Variants in DHX8 observed in about 807,000 individuals in gnomAD.
DHX8 encodes the protein DEAH-box helicase 8.
A neutral mutation model predicts 140.7 loss-of-function variants in DHX8; 67 were observed. That is an observed-to-expected ratio of 0.48 (90% CI 0.39 to 0.58). The LOEUF is 0.58. Ranked by LOEUF, DHX8 falls within the 20% of genes least tolerant of loss-of-function variation. DHX8 has a pLI of 0.00. For synonymous variants in DHX8, 533 were observed against 553.2 expected (o/e 0.96, Z 0.51); for missense variants, 887 against 1,550.7 (o/e 0.57, Z 7.19).
rs913514727 is a variant in DHX8, at chr17:43,497,216, C to CT, written c.1300+957dup. On this transcript the variant is annotated intron_variant, in intron 9 of 22. Transcript: ENST00000262415. ...CTATTTTTGAACTTAACTCATTTTT[C>CT]TTTTTTTTTGACTTACATATTTTTG... Among the ~76,000 whole-genome samples, 24 of 150,466 alleles carry CT rather than the reference C, an allele frequency of 1.6e-4. No homozygotes were observed. The South Asian group carries it at 2.3e-3, about 15-fold the overall frequency.
downstream of DHX8, among the ~76,000 whole-genome samples, chr17:43,531,004 T>G (rs1413246413): frequency 1.3e-5 from 2 of 152,082 alleles, no homozygotes; most frequent in South Asian, 4.1e-4. Flanking sequence ...TCCCCTCCGG[T>G]CTACAGCCTT....
chr17:43,537,987 G>T (rs141228619), intron 3 of DHX8, among the ~76,000 whole-genome samples: 2 of 151,994 alleles, frequency 1.3e-5, no homozygotes, highest in Non-Finnish European at 2.9e-5. Flanking sequence ...AAAATTAGCC[G>T]GGTGTGGTGG....
At position 43,513,521 on chromosome 17, in the gene DHX8, A is replaced by G. The variant is rs1005820634; in HGVS notation, c.2643+19A>G. On this transcript the variant is annotated intron_variant, in intron 17 of 22. Coordinates refer to ENST00000262415, the MANE Select transcript of DHX8 (RefSeq NM_004941.3). ...TTCTCAGGTATGACGGCTTGTATCA[A>G]CAGTTTTCCTGATAATCCTGATTAG... The G allele has an allele frequency of 1.9e-6, 3 of 1,611,196 alleles. No individual in the cohort carries two copies. Among genetic ancestry groups the G allele is most frequent in the South Asian group, 1.1e-5 (1 of 90,604 alleles).
chr17:43,493,459 G>T lies in DHX8; in HGVS notation c.878G>T (p.Gly293Val), dbSNP rs750785920. 1 of 1,614,152 alleles carries T rather than the reference G, an allele frequency of 6.2e-7. No individual in the cohort carries two copies. The highest frequency in any genetic ancestry group is 8.5e-7 in the Non-Finnish European group (1 of 1,180,032). Residue 293 changes from glycine to valine, a missense_variant, in exon 7 of 23, where the codon GGC becomes GTC. Coordinates refer to ENST00000262415, the MANE Select transcript of DHX8 (RefSeq NM_004941.3). ...QLEGLRKRWE[G>V]LVHISELRRE... ...CTCTCCCTCAGGAAGCGGTGGGAAG[G>T]CCTGGTGCACATCTCTGAGCTCCGG...
In DHX8 at chr17:43,512,483, A is replaced by AG. The variant is rs1201221463; in HGVS notation, c.2503-876dup. On this transcript the variant is annotated intron_variant, in intron 16 of 22. Coordinates refer to ENST00000262415, the MANE Select transcript of DHX8 (RefSeq NM_004941.3). ...CTAGCAGGTAAAGGGAAGAAGGGTG[A>AG]GGGAAGTCAGGCATGACTGTCAGGT... is the stretch of plus-strand genomic sequence containing the variant. Among the ~76,000 whole-genome samples, 4 of 152,010 alleles carry AG rather than the reference A, an allele frequency of 2.6e-5. No individual in the cohort carries two copies. In the East Asian group the frequency reaches 7.7e-4, roughly 29 times the overall value.
At chr17:43,484,907 T>C (rs1161059446) in intron 1 of DHX8, among the ~76,000 whole-genome samples, 8 of 152,152 alleles carry the variant, frequency 5.3e-5, no homozygotes, top group Admixed American at 2.6e-4. Flanking sequence ...CCTCCCAAAG[T>C]GTTGGGATTA....
At chr17:43,532,029 A>C (rs535179093) in intron 2 of DHX8, among the ~76,000 whole-genome samples, 4 of 152,256 alleles carry the variant, frequency 2.6e-5, no homozygotes, top group African/African-American at 9.6e-5. Flanking sequence ...TTTTAATTTT[A>C]CTTTTTTATA....
At chr17:43,486,561 C>G (rs1046342800) in intron 1 of DHX8, among the ~76,000 whole-genome samples, 5 of 151,956 alleles carry the variant, frequency 3.3e-5, no homozygotes, top group African/African-American at 1.2e-4. Flanking sequence ...TAACAATTCC[C>G]CTGTATAATT....
intron 3 of DHX8, among the ~76,000 whole-genome samples, chr17:43,542,386 T>C (rs747422510): frequency 3.3e-5 from 5 of 151,954 alleles, no homozygotes; most frequent in Non-Finnish European, 7.4e-5. Flanking sequence ...TACTACCAAA[T>C]AGACAACAAA....
chr17:43,495,568 G>A (rs1468950424), intron 8 of DHX8, among the ~76,000 whole-genome samples: 1 of 152,128 alleles, frequency 6.6e-6, no homozygotes, highest in Non-Finnish European at 1.5e-5. Context: ...ATGAGCTGCC[G>A]TGTCTGGCCT....
At chr17:43,493,086 T>C (rs1178100110) in intron 6 of DHX8, 46 bp downstream of exon 6, 1 of 1,574,658 alleles carries the variant, frequency 6.4e-7, no homozygotes, top group Non-Finnish European at 8.6e-7. Flanking sequence ...GGGCAGAATT[T>C]CTTTTATCAC....
chr17:43,505,002 C>T (rs1374283654), intron 12 of DHX8, among the ~76,000 whole-genome samples, 177 bp downstream of exon 12: 6 of 151,908 alleles, frequency 3.9e-5, no homozygotes, highest in African/African-American at 1.2e-4. Flanking sequence ...TGGGGCTGGG[C>T]GCGGTAGTGG....
chr17:43,520,964 CTTTTTTTTTT>C (rs10672223), intron 20 of DHX8, 85 bp downstream of exon 20: 8 of 399,648 alleles, frequency 2.0e-5, no homozygotes, highest in African/African-American at 8.7e-5. Context: ...TTGATGTGGA[CTTTTTTTTTT>C]TTTTTTTTTT....
intron 1 of DHX8, among the ~76,000 whole-genome samples, chr17:43,488,177 C>T (rs1968284073): frequency 2.0e-5 from 3 of 151,800 alleles, no homozygotes. Flanking sequence ...ACTTGGGAGG[C>T]TGAGGCAGAA....
At chr17:43,492,161 T>G in intron 4 of DHX8, 22 bp from the exon 5 acceptor site, 1 of 1,596,298 alleles carries the variant, frequency 6.3e-7, no homozygotes, top group African/African-American at 1.3e-5. Context: ...TTTCCTAACT[T>G]TGCCGGCCTC....
downstream of DHX8, chr17:43,528,721 T>C: frequency 6.2e-7 from 1 of 1,614,108 alleles, no homozygotes; most frequent in Non-Finnish European, 8.5e-7. Flanking sequence ...CACAAACTTG[T>C]ACACGTAACG....
At chr17:43,496,386 A>C in intron 9 of DHX8, 118 bp downstream of exon 9, 1 of 653,368 alleles carries the variant, frequency 1.5e-6, no homozygotes, top group Non-Finnish European at 2.7e-6. Context: ...CTCACTACTC[A>C]TCTCTCAAAA....
chr17:43,541,560 TG>T (rs754473211), intron 3 of DHX8, among the ~76,000 whole-genome samples: 1 of 151,754 alleles, frequency 6.6e-6, no homozygotes, highest in Non-Finnish European at 1.5e-5. Flanking sequence ...AGGAGGGGCT[TG>T]GGGGGTCTCC....
chr17:43,490,860 G>A (rs1968476996), intron 3 of DHX8, among the ~76,000 whole-genome samples: 3 of 151,800 alleles, frequency 2.0e-5, no homozygotes, highest in Admixed American at 2.0e-4. Flanking sequence ...AGTGACAGAG[G>A]TTTTTTTCCC....
Sources: gnomAD v4.1 joint callset for allele counts (sites outside exome capture counted in the v4.1 genomes callset) on GRCh38, gnomAD v4.1.1 for gene constraint, MANE v1.5 for transcripts, NCBI Gene and HGNC (gene_info 2026-07-23, HGNC 2026-07-21) for gene names.